NTN4: variants seen among roughly 807,000 people sequenced by gnomAD.
The protein encoded by NTN4 is netrin-4.
In NTN4, 32 loss-of-function variants were observed where a neutral mutation model predicts 73.6. The observed-to-expected ratio is 0.44, with a 90% CI of 0.33 to 0.58. NTN4 has a LOEUF of 0.58. Ranked by LOEUF, NTN4 falls within the 20% of genes least tolerant of loss-of-function variation. The pLI is 0.04. For synonymous variants in NTN4, 258 were observed against 287.5 expected (o/e 0.90, Z 1.04); for missense variants, 654 against 798.3 (o/e 0.82, Z 2.18).
chr12:95,757,773 T>TAA (rs10713128), intron 2 of NTN4, among the ~76,000 whole-genome samples: 3 of 145,372 alleles, frequency 2.1e-5, no homozygotes, highest in African/African-American at 5.1e-5. Context: ...GAATGCAAAG[T>TAA]AAAAAAAAAA....
chr12:95,674,162 C>A (rs1220914221), intron 7 of NTN4, among the ~76,000 whole-genome samples: 9 of 146,818 alleles, frequency 6.1e-5, no homozygotes, highest in East Asian at 2.0e-4. Flanking sequence ...GAGACTCTGC[C>A]AAAAAAAAAA....
intron 5 of NTN4, among the ~76,000 whole-genome samples, chr12:95,697,759 T>A (rs1025849285): frequency 6.6e-6 from 1 of 152,144 alleles, no homozygotes; most frequent in Non-Finnish European, 1.5e-5. Context: ...GTAATACAGT[T>A]CTTTGGATCT....
chr12:95,693,645 C>T (rs1291897934), intron 5 of NTN4, among the ~76,000 whole-genome samples: 2 of 149,740 alleles, frequency 1.3e-5, no homozygotes, highest in Non-Finnish European at 3.0e-5. Flanking sequence ...GCAGGAGAAT[C>T]GCTTGAACCT....
At chr12:95,751,734 G>A (rs369477839) in intron 2 of NTN4, among the ~76,000 whole-genome samples, 24 of 151,718 alleles carry the variant, frequency 1.6e-4, no homozygotes, top group African/African-American at 5.3e-4. Context: ...AGGTAAGGCC[G>A]TCCCCTTCTT....
intron 2 of NTN4, among the ~76,000 whole-genome samples, chr12:95,769,975 T>G (rs571016049): frequency 1.3e-5 from 2 of 152,112 alleles, no homozygotes; most frequent in Non-Finnish European, 2.9e-5. Flanking sequence ...CAGGCTGGTC[T>G]TGAACTCCTG....
At chr12:95,670,188 G>T (rs781536682) in intron 7 of NTN4, 42 bp from the exon 8 acceptor site, 1 of 1,243,192 alleles carries the variant, frequency 8.0e-7, no homozygotes, top group South Asian at 1.4e-5. Flanking sequence ...TATTAGAAAA[G>T]CAAAGAAAGA....
intron 2 of NTN4, among the ~76,000 whole-genome samples, chr12:95,765,920 GA>G (rs1026184416): frequency 6.6e-6 from 1 of 152,198 alleles, no homozygotes; most frequent in African/African-American, 2.4e-5. Context: ...GAACTAGACA[GA>G]TAATAGTGGA....
chr12:95,670,343 A>G, intron 7 of NTN4, 197 bp from the exon 8 acceptor site: 1 of 413,254 alleles, frequency 2.4e-6, no homozygotes. Context: ...ATCTTCCAAT[A>G]AAGTATTCAT....
intron 3 of NTN4, among the ~76,000 whole-genome samples, chr12:95,726,751 T>C (rs557696591): frequency 2.0e-5 from 3 of 152,154 alleles, no homozygotes; most frequent in Non-Finnish European, 4.4e-5. Context: ...TCACCTGAGG[T>C]CAGGAGTTCG....
intron 1 of NTN4, among the ~76,000 whole-genome samples, chr12:95,787,679 T>C (rs535191687): frequency 1.1e-4 from 16 of 152,230 alleles, no homozygotes; most frequent in African/African-American, 3.6e-4. Context: ...TGTGTGTGCG[T>C]GTGTGTGTGT....
chr12:95,768,697 G>A (rs75128311), intron 2 of NTN4, among the ~76,000 whole-genome samples: 4,559 of 152,278 alleles, frequency 0.03, 201 homozygotes, highest in East Asian at 0.11. Flanking sequence ...CCTTGAGAAT[G>A]CAGTATAGAG....
chr12:95,716,963 C>G (rs1007206191), intron 3 of NTN4, among the ~76,000 whole-genome samples: 4 of 152,026 alleles, frequency 2.6e-5, no homozygotes, highest in Non-Finnish European at 5.9e-5. Flanking sequence ...GCACATGTCA[C>G]CATGCCCAGC....
At chr12:95,683,173 C>T (rs896558127) in intron 6 of NTN4, among the ~76,000 whole-genome samples, 11 of 152,162 alleles carry the variant, frequency 7.2e-5, no homozygotes, top group African/African-American at 2.7e-4. Context: ...GATTCTGCTG[C>T]CTCAGCCTCC....
At chr12:95,761,370 AGG>A (rs1278685626) in intron 2 of NTN4, among the ~76,000 whole-genome samples, 2,604 of 139,488 alleles carry the variant, frequency 0.019, 219 homozygotes, top group Admixed American at 0.16. Context: ...TCTGTCTCCC[AGG>A]CTGGATAGAG....
chr12:95,776,209 GAAA>G (rs970820623), intron 2 of NTN4, among the ~76,000 whole-genome samples: 31 of 152,104 alleles, frequency 2.0e-4, no homozygotes, highest in Admixed American at 6.6e-5. Context: ...CAAAGATGGG[GAAA>G]AAACAGAGGA....
chr12:95,773,979 C>T (rs1214816565), intron 2 of NTN4, among the ~76,000 whole-genome samples: 3 of 152,078 alleles, frequency 2.0e-5, no homozygotes, highest in Non-Finnish European at 1.5e-5. Context: ...CATTCCCATA[C>T]AGCTTATTTT....
rs1325995752 is a variant in NTN4 at position 95,673,080 on chromosome 12, C to A, written c.1511-2934G>T. 36 of 1,420,882 alleles carry A rather than the reference C, an allele frequency of 2.5e-5. 1 individual carries two copies. The Admixed American group carries it at 5.6e-4, about 22-fold the overall frequency. 88.0% of individuals were successfully genotyped at this position (1,420,882 alleles called of 1,614,324 possible). A position where few individuals can be genotyped will look rare whatever the true frequency, so the allele number is the denominator to read the frequency against. ...AGGCCAAGAAGTGAAGGCCGGCGGG[C>A]GGACTACTGTCCCCAGGAGCACCCT... On this transcript the variant is annotated intron_variant, in intron 7 of 9. Transcript: ENST00000343702.
chr12:95,681,323 A>G (rs2078314686), intron 7 of NTN4, among the ~76,000 whole-genome samples: 1 of 152,120 alleles, frequency 6.6e-6, no homozygotes, highest in African/African-American at 2.4e-5. Flanking sequence ...CTGTGGACAA[A>G]GGGAGGCAAC....
chr12:95,754,842 G>C (rs374377275), intron 2 of NTN4, among the ~76,000 whole-genome samples: 1 of 152,176 alleles, frequency 6.6e-6, no homozygotes, highest in Non-Finnish European at 1.5e-5. Flanking sequence ...CAGCCATGTT[G>C]CTCACACAAA....
Sources: allele counts gnomAD v4.1 joint callset (sites outside exome capture counted in the v4.1 genomes callset), GRCh38; gene constraint gnomAD v4.1.1; transcripts MANE v1.5; gene names NCBI Gene and HGNC (gene_info 2026-07-23, HGNC 2026-07-21).